The following SPOCK3 variants were observed in gnomAD, a reference collection of about 807,000 sequenced individuals.
SPOCK3 encodes SPARC (osteonectin), cwcv and kazal like domains proteoglycan 3.
In SPOCK3, 30 loss-of-function variants were observed where a neutral mutation model predicts 56.6. The observed-to-expected ratio is 0.53, with a 90% confidence interval of 0.40 to 0.72. The LOEUF is 0.72. SPOCK3 is among the 30% of genes least tolerant of loss of function. The pLI is 0.00. For synonymous variants in SPOCK3, 196 were observed against 183.3 expected (o/e 1.07, Z -0.56); for missense variants, 527 against 530.0 (o/e 0.99, Z 0.06).
intron 6 of SPOCK3, among the ~76,000 whole-genome samples, chr4:166,880,649 G>A (rs1023543708): frequency 6.6e-6 from 1 of 151,970 alleles, no homozygotes; most frequent in Non-Finnish European, 1.5e-5. Context: ...TTTCCATCTC[G>A]GTTTTATCAC....
At chr4:167,211,397 G>A (rs1203203583) in intron 2 of SPOCK3, among the ~76,000 whole-genome samples, 2 of 152,138 alleles carry the variant, frequency 1.3e-5, no homozygotes, top group Admixed American at 6.6e-5. Flanking sequence ...TGCAGGGAAG[G>A]CACGATTGGT....
At chr4:166,811,279 T>C (rs74287161) in intron 6 of SPOCK3, among the ~76,000 whole-genome samples, 29,987 of 151,498 alleles carry the variant, frequency 0.2, 3,993 homozygotes, top group East Asian at 0.67. Flanking sequence ...TTTTAACTTC[T>C]TAAGATAGAT....
intron 6 of SPOCK3, among the ~76,000 whole-genome samples, chr4:166,816,067 T>G (rs1744348214): frequency 6.6e-6 from 1 of 152,132 alleles, no homozygotes; most frequent in Non-Finnish European, 1.5e-5. Flanking sequence ...AATTCCTCTA[T>G]TAAGATAAAG....
rs553484810 is a variant in SPOCK3, at chr4:166,755,337, G to C, written c.710-608C>G. 4.6e-5 allele frequency among the ~76,000 whole-genome samples: 7 copies of C among 152,150 alleles called. No homozygotes were observed. In the East Asian group the frequency reaches 1.4e-3, roughly 29 times the overall value. Reference sequence around the variant, plus strand: ...TTTACAAATGCAAATGTGTTATTATGAGAGGCCAGATGGTGCACTGGATAG... The same window carrying C: ...TTTACAAATGCAAATGTGTTATTATCAGAGGCCAGATGGTGCACTGGATAG... On this transcript the variant is annotated intron_variant, in intron 7 of 10. Coordinates refer to ENST00000357545, the MANE Select transcript of SPOCK3 (RefSeq NM_001040159.2).
At chr4:166,975,869 A>G (rs1554013082) in intron 4 of SPOCK3, among the ~76,000 whole-genome samples, 1 of 152,118 alleles carries the variant, frequency 6.6e-6, no homozygotes, top group Non-Finnish European at 1.5e-5. Context: ...ATGGCTTACT[A>G]GTACTCTATT....
rs569173540 is a variant in SPOCK3, at chr4:167,027,375, T to C, written c.236-26912A>G. Among the ~76,000 whole-genome samples, 493 of 152,194 alleles carry C rather than the reference T, an allele frequency of 3.2e-3. 1 individual carries two copies. The highest frequency in any genetic ancestry group is 5.6e-3 in the Non-Finnish European group (382 of 67,976). ...GTTCATACAACCTCATCGTACCTGA[T>C]ATTTTCTTGGGAAATCATTCCTTTG... On this transcript the variant is annotated intron_variant, in intron 3 of 10. Transcript: ENST00000357545.
intron 2 of SPOCK3, among the ~76,000 whole-genome samples, chr4:167,093,381 T>C (rs1758872599): frequency 6.6e-6 from 1 of 152,152 alleles, no homozygotes; most frequent in Non-Finnish European, 1.5e-5. Flanking sequence ...CCATGGTGGC[T>C]TGCTGTACCC....
rs1358270627 is a variant in SPOCK3 at position 166,743,268 on chromosome 4, AC to A, written c.932-1210del. Reference sequence around the variant, plus strand: ...CTATATCTTATTGTCCCATGGTACAACTTTTTAGGAAAAAGGCAAAGTATAT... The same window carrying A: ...CTATATCTTATTGTCCCATGGTACAATTTTTAGGAAAAAGGCAAAGTATAT... On this transcript the variant is annotated intron_variant, in intron 8 of 10. Coordinates refer to ENST00000357545, the MANE Select transcript of SPOCK3 (RefSeq NM_001040159.2). Among the ~76,000 whole-genome samples the A allele has an allele frequency of 2.6e-5, 4 of 152,080 alleles. No individual in the cohort carries two copies. The East Asian group carries it at 7.7e-4, about 29-fold the overall frequency.
chr4:167,099,592 G>A (rs570168334), intron 2 of SPOCK3, among the ~76,000 whole-genome samples: 5 of 152,072 alleles, frequency 3.3e-5, no homozygotes, highest in Admixed American at 1.3e-4. Flanking sequence ...TACTTTATGC[G>A]TATCTTTCAC....
intron 4 of SPOCK3, among the ~76,000 whole-genome samples, chr4:166,914,406 C>T (rs1410907522): frequency 6.6e-6 from 1 of 151,850 alleles, no homozygotes; most frequent in East Asian, 1.9e-4. Context: ...ATAAATATAA[C>T]ATTTATGACT....
intron 6 of SPOCK3, among the ~76,000 whole-genome samples, chr4:166,839,462 G>C (rs1747000430): frequency 6.6e-6 from 1 of 152,086 alleles, no homozygotes; most frequent in Admixed American, 6.5e-5. Context: ...TAGTTAGATA[G>C]ACATTAGCAC....
At chr4:167,217,520 G>A (rs1334118961) in intron 2 of SPOCK3, among the ~76,000 whole-genome samples, 9 of 152,122 alleles carry the variant, frequency 5.9e-5, no homozygotes, top group South Asian at 4.1e-4. Flanking sequence ...TGTTATATAA[G>A]GGACTTGAGG....
intron 10 of SPOCK3, among the ~76,000 whole-genome samples, chr4:166,735,985 CTG>C (rs1734180427): frequency 6.6e-6 from 1 of 152,068 alleles, no homozygotes; most frequent in Non-Finnish European, 1.5e-5. Flanking sequence ...TTAGCACTCA[CTG>C]TGTATTGACT....
intron 6 of SPOCK3, among the ~76,000 whole-genome samples, chr4:166,870,467 C>A (rs149811500): frequency 1.3e-5 from 2 of 151,684 alleles, no homozygotes; most frequent in African/African-American, 2.4e-5. Flanking sequence ...CCATAAAACA[C>A]ACAATAAAAA....
intron 6 of SPOCK3, among the ~76,000 whole-genome samples, chr4:166,810,206 C>T (rs1743626691): frequency 6.6e-6 from 1 of 152,086 alleles, no homozygotes; most frequent in African/African-American, 2.4e-5. Context: ...CTTTGTTCAA[C>T]ATCATGTGTG....
At chr4:166,770,331 G>A (rs1039523650) in intron 7 of SPOCK3, among the ~76,000 whole-genome samples, 8 of 152,036 alleles carry the variant, frequency 5.3e-5, no homozygotes, top group African/African-American at 1.9e-4. Context: ...TTGGAACCAA[G>A]CCCAAGATGT....
chr4:166,978,714 G>C (rs1746249797), intron 4 of SPOCK3, among the ~76,000 whole-genome samples: 1 of 152,062 alleles, frequency 6.6e-6, no homozygotes, highest in Non-Finnish European at 1.5e-5. Flanking sequence ...AGGAGAAGAA[G>C]GAAGACGGTT....
At chr4:167,049,031 T>C (rs1753961225) in intron 3 of SPOCK3, among the ~76,000 whole-genome samples, 1 of 152,092 alleles carries the variant, frequency 6.6e-6, no homozygotes, top group African/African-American at 2.4e-5. Flanking sequence ...ATCTTAAACC[T>C]ATGGAGATGA....
intron 8 of SPOCK3, among the ~76,000 whole-genome samples, chr4:166,743,553 C>A (rs563582892): frequency 6.6e-6 from 1 of 152,086 alleles, no homozygotes; most frequent in Admixed American, 6.6e-5. Context: ...ACGCAGAAGA[C>A]GGGTGATTTC....
Sources: allele counts gnomAD v4.1 joint callset (sites outside exome capture counted in the v4.1 genomes callset), GRCh38; gene constraint gnomAD v4.1.1; transcripts MANE v1.5; gene names NCBI Gene and HGNC (gene_info 2026-07-23, HGNC 2026-07-21).